SLIT3: variants seen among roughly 807,000 people sequenced by gnomAD.
SLIT3 encodes slit guidance ligand 3.
SLIT3 carries 68 observed loss-of-function variants against 184.0 expected under a neutral mutation model. That is an observed-to-expected ratio of 0.37 (90% confidence interval 0.30 to 0.45). The LOEUF is 0.45. Among genes scored for constraint, SLIT3 ranks in the 20% least tolerant of loss-of-function variants. SLIT3 has a pLI of 1.00. For missense variants in SLIT3, 1,707 were observed against 2,026.0 expected (o/e 0.84, Z 3.02); for synonymous variants, 831 against 828.6 (o/e 1.00, Z -0.05).
chr5:169,082,954 C>T (rs969717280), intron 4 of SLIT3, among the ~76,000 whole-genome samples: 6 of 152,208 alleles, frequency 3.9e-5, no homozygotes, highest in African/African-American at 1.4e-4. Context: ...TGAACTTATG[C>T]ATCTTTCTTA....
chr5:168,748,490 A>T, intron 19 of SLIT3, 56 bp from the exon 20 acceptor site: 1 of 1,472,814 alleles, frequency 6.8e-7, no homozygotes, highest in Non-Finnish European at 8.9e-7. Flanking sequence ...CACTAGGGGG[A>T]GCCAGTGAGC....
chr5:169,170,135 A>C (rs747415410), intron 4 of SLIT3, among the ~76,000 whole-genome samples: 11 of 152,176 alleles, frequency 7.2e-5, no homozygotes, highest in Non-Finnish European at 1.3e-4. Context: ...TATGAAGATC[A>C]ACTGATCACA....
intron 1 of SLIT3, among the ~76,000 whole-genome samples, chr5:169,292,738 C>A (rs1227802944): frequency 6.6e-6 from 1 of 152,132 alleles, no homozygotes; most frequent in Non-Finnish European, 1.5e-5. Flanking sequence ...ATAGAAAATG[C>A]TCCTGAAAAG....
At chr5:169,104,583 C>T (rs1373733232) in intron 4 of SLIT3, among the ~76,000 whole-genome samples, 1 of 152,154 alleles carries the variant, frequency 6.6e-6, no homozygotes, top group Non-Finnish European at 1.5e-5. Flanking sequence ...CAGCTTTCTC[C>T]TTGGAAACTG....
At chr5:169,206,410 G>T (rs1266138077) in intron 3 of SLIT3, among the ~76,000 whole-genome samples, 1 of 152,122 alleles carries the variant, frequency 6.6e-6, no homozygotes, top group Non-Finnish European at 1.5e-5. Flanking sequence ...TTTCATCTAG[G>T]TCTCCAACCC....
At chr5:169,077,707 C>T (rs1017854068) in intron 4 of SLIT3, among the ~76,000 whole-genome samples, 3 of 151,914 alleles carry the variant, frequency 2.0e-5, no homozygotes, top group African/African-American at 7.3e-5. Context: ...GGGTCACCAC[C>T]CCAAACCCCT....
chr5:169,246,355 G>C (rs898905893), intron 2 of SLIT3, among the ~76,000 whole-genome samples: 1 of 152,144 alleles, frequency 6.6e-6, no homozygotes, highest in Non-Finnish European at 1.5e-5. Flanking sequence ...AGACTTGCTC[G>C]AGGAGAAATT....
chr5:168,803,826 G>A (rs575483238), intron 9 of SLIT3, among the ~76,000 whole-genome samples: 13 of 152,282 alleles, frequency 8.5e-5, no homozygotes, highest in African/African-American at 2.6e-4. Flanking sequence ...GATGAGGGCT[G>A]GCAGGAATTC....
intron 4 of SLIT3, among the ~76,000 whole-genome samples, chr5:169,184,727 T>C (rs940143674): frequency 6.6e-6 from 1 of 152,190 alleles, no homozygotes; most frequent in Admixed American, 6.5e-5. Context: ...ATGCTAAGTT[T>C]GAAAACCAAC....
At chr5:169,144,036 A>C (rs1412909554) in intron 4 of SLIT3, among the ~76,000 whole-genome samples, 1 of 152,210 alleles carries the variant, frequency 6.6e-6, no homozygotes, top group African/African-American at 2.4e-5. Flanking sequence ...TGTAAGAGAA[A>C]AGCAAGGTGC....
At chr5:169,093,756 A>T (rs1038534598) in intron 4 of SLIT3, among the ~76,000 whole-genome samples, 7 of 151,996 alleles carry the variant, frequency 4.6e-5, no homozygotes, top group Non-Finnish European at 7.4e-5. Flanking sequence ...TTCATTCCTC[A>T]CTCTCTAAAA....
At chr5:169,016,619 G>A (rs1420707724) in intron 4 of SLIT3, among the ~76,000 whole-genome samples, 1 of 152,110 alleles carries the variant, frequency 6.6e-6, no homozygotes, top group African/African-American at 2.4e-5. Context: ...GAGCTGTGCT[G>A]AGCTCCTCAT....
chr5:168,946,485 G>A (rs758295569), intron 4 of SLIT3, among the ~76,000 whole-genome samples: 11 of 152,230 alleles, frequency 7.2e-5, no homozygotes, highest in South Asian at 6.2e-4. Context: ...AAGGGGCAGC[G>A]GCTGTTAGGG....
At chr5:169,094,972 C>G (rs570743555) in intron 4 of SLIT3, among the ~76,000 whole-genome samples, 1 of 152,242 alleles carries the variant, frequency 6.6e-6, no homozygotes, top group African/African-American at 2.4e-5. Flanking sequence ...TGGGGAGGAC[C>G]CAGGATGGCT....
intron 32 of SLIT3, among the ~76,000 whole-genome samples, chr5:168,677,878 G>A (rs1237898914): frequency 6.6e-6 from 1 of 152,180 alleles, no homozygotes; most frequent in Non-Finnish European, 1.5e-5. Context: ...CTGGGGTGGG[G>A]GAGTAGGTTA....
At chr5:168,673,392 C>T (rs764624058) in intron 32 of SLIT3, 61 bp from the exon 33 acceptor site, 14 of 1,527,838 alleles carry the variant, frequency 9.2e-6, no homozygotes, top group Admixed American at 5.4e-5. Flanking sequence ...ATGGCTGGGC[C>T]CTGTGCTGTG....
intron 29 of SLIT3, among the ~76,000 whole-genome samples, chr5:168,690,627 CAG>C (rs1041815619): frequency 1.3e-5 from 2 of 152,132 alleles, no homozygotes; most frequent in Admixed American, 6.5e-5. Context: ...GAAGTCAAAT[CAG>C]GGGGGTGGAA....
chr5:169,000,559 T>C (rs1755671013), intron 4 of SLIT3, among the ~76,000 whole-genome samples: 1 of 152,078 alleles, frequency 6.6e-6, no homozygotes, highest in African/African-American at 2.4e-5. Flanking sequence ...AAAACAATAA[T>C]CTTATGTAAA....
chr5:169,048,966 G>A (rs1003348482), intron 4 of SLIT3, among the ~76,000 whole-genome samples: 1 of 152,142 alleles, frequency 6.6e-6, no homozygotes, highest in African/African-American at 2.4e-5. Context: ...TGAGAGTGAC[G>A]CCACAACCAG....
Sources: gnomAD v4.1 joint callset for allele counts (sites outside exome capture counted in the v4.1 genomes callset) on GRCh38, gnomAD v4.1.1 for gene constraint, MANE v1.5 for transcripts, NCBI Gene and HGNC (gene_info 2026-07-23, HGNC 2026-07-21) for gene names.